The following GABRB2 variants were observed in gnomAD, a reference collection of about 807,000 sequenced individuals.
GABRB2 encodes gamma-aminobutyric acid receptor subunit beta-2.
A neutral mutation model predicts 54.7 loss-of-function variants in GABRB2; 16 were observed. The ratio of observed to expected loss-of-function variants is 0.29; its 90% CI spans 0.20 to 0.44. The LOEUF is 0.44. Ranked by LOEUF, GABRB2 falls within the 20% of genes least tolerant of loss-of-function variation. GABRB2 has a pLI of 1.00. For missense variants in GABRB2, 355 were observed against 644.0 expected, an observed-to-expected ratio of 0.55 and a Z score of 4.86; for synonymous variants, 244 against 233.8, an observed-to-expected ratio of 1.04 and a Z score of -0.40.
chr5:161,374,569 C>T (rs748263356), intron 5 of GABRB2, among the ~76,000 whole-genome samples: 7 of 152,200 alleles, frequency 4.6e-5, no homozygotes, highest in Non-Finnish European at 2.9e-5. Context: ...TAGCAAAAGC[C>T]TTCAAACTGG....
chr5:161,378,418 A>G (rs926329418), intron 5 of GABRB2, among the ~76,000 whole-genome samples: 4 of 152,168 alleles, frequency 2.6e-5, no homozygotes, highest in African/African-American at 7.2e-5. Context: ...AATACCTGTA[A>G]ATAAATGTAT....
rs546296244 is a variant in GABRB2 at position 161,416,732 on chromosome 5, G to A, written c.459-5675C>T. 1.1e-3 allele frequency among the ~76,000 whole-genome samples: 74 copies of A among 69,194 alleles called. 1 individual carries two copies. Among genetic ancestry groups the A allele is most frequent in the Admixed American group, 7.6e-3 (44 of 5,818 alleles). The allele number at this position is 69,194 out of a possible 152,430, so 45.4% of individuals were successfully genotyped here. ...AAAAAAAAAAAAAAAAAAATTAGAT[G>A]CCTTAACCCTAACTATATTCAAAAC... On this transcript the variant is annotated intron_variant, in intron 4 of 9. Coordinates refer to ENST00000393959, the MANE Select transcript of GABRB2 (RefSeq NM_001371727.1).
At chr5:161,370,235 G>C (rs939799711) in intron 5 of GABRB2, among the ~76,000 whole-genome samples, 7 of 152,172 alleles carry the variant, frequency 4.6e-5, no homozygotes, top group East Asian at 1.9e-4. Context: ...AGATAGACTT[G>C]CTAAAAAGGA....
At chr5:161,424,433 C>CA (rs1319645120) in intron 4 of GABRB2, among the ~76,000 whole-genome samples, 1 of 152,076 alleles carries the variant, frequency 6.6e-6, no homozygotes, top group African/African-American at 2.4e-5. Context: ...TTACCATTCC[C>CA]AAAATCATAA....
At position 161,395,257 on chromosome 5, in the gene GABRB2, A is replaced by G. The variant is rs192590914; in HGVS notation, c.541+15718T>C. On this transcript the variant is annotated intron_variant, in intron 5 of 9. Coordinates refer to ENST00000393959, the MANE Select transcript of GABRB2 (RefSeq NM_001371727.1). ...TAGCCTTACAAAACACAATAGTCCC[A>G]TTTTTCCCCTTCTATCTTTCCATAG... Among the ~76,000 whole-genome samples the G allele has an allele frequency of 4.6e-3, 699 of 152,106 alleles. 4 individuals carry two copies. The highest frequency in any genetic ancestry group is 0.016 in the African/African-American group (675 of 41,526).
chr5:161,300,132 A>G (rs1467936909), intron 9 of GABRB2, among the ~76,000 whole-genome samples: 1 of 152,194 alleles, frequency 6.6e-6, no homozygotes. Context: ...GAGCAAAAGT[A>G]TAGGAGATTG....
intron 4 of GABRB2, among the ~76,000 whole-genome samples, chr5:161,426,197 T>C (rs1010850822): frequency 1.3e-5 from 2 of 152,146 alleles, no homozygotes; most frequent in Non-Finnish European, 2.9e-5. Context: ...CCTCTTGCTA[T>C]GTAGAGGAGC....
intron 3 of GABRB2, among the ~76,000 whole-genome samples, chr5:161,496,142 G>C (rs1759235895): frequency 3.3e-5 from 5 of 152,040 alleles, no homozygotes; most frequent in Admixed American, 2.6e-4. Flanking sequence ...GAGAAACCTG[G>C]GAGTGATCCC....
At chr5:161,405,844 C>A (rs1181279173) in intron 5 of GABRB2, among the ~76,000 whole-genome samples, 1 of 151,802 alleles carries the variant, frequency 6.6e-6, no homozygotes, top group Non-Finnish European at 1.5e-5. Flanking sequence ...CTATACTGAC[C>A]CCTTCGACAA....
intron 9 of GABRB2, among the ~76,000 whole-genome samples, chr5:161,298,572 G>T (rs918454152): frequency 6.6e-6 from 1 of 152,144 alleles, no homozygotes; most frequent in African/African-American, 2.4e-5. Flanking sequence ...AATAAGATGG[G>T]TTTAACTTTG....
At chr5:161,364,723 A>G (rs1045174387) in intron 5 of GABRB2, among the ~76,000 whole-genome samples, 2 of 152,138 alleles carry the variant, frequency 1.3e-5, no homozygotes, top group African/African-American at 4.8e-5. Context: ...CTGACTGATA[A>G]TTAGCCACTT....
At chr5:161,480,761 T>C (rs1433640029) in intron 3 of GABRB2, among the ~76,000 whole-genome samples, 1 of 152,066 alleles carries the variant, frequency 6.6e-6, no homozygotes, top group Non-Finnish European at 1.5e-5. Context: ...ATCACTAAAA[T>C]GGTAAACCTG....
intron 5 of GABRB2, among the ~76,000 whole-genome samples, chr5:161,394,114 T>C (rs1755922772): frequency 6.6e-6 from 1 of 151,966 alleles, no homozygotes; most frequent in Non-Finnish European, 1.5e-5. Flanking sequence ...CATTTCCAAA[T>C]AAATTATAAG....
At chr5:161,470,485 C>G (rs1033772901) in intron 3 of GABRB2, among the ~76,000 whole-genome samples, 3 of 151,908 alleles carry the variant, frequency 2.0e-5, no homozygotes, top group African/African-American at 7.2e-5. Flanking sequence ...ATGCCAGAAG[C>G]TTTTCTCTTG....
intron 3 of GABRB2, among the ~76,000 whole-genome samples, chr5:161,538,354 T>C (rs1011087504): frequency 3.9e-5 from 6 of 152,130 alleles, no homozygotes; most frequent in African/African-American, 1.4e-4. Context: ...ACGTAAAATA[T>C]AAACCATTTG....
At chr5:161,485,012 C>T (rs900744402) in intron 3 of GABRB2, among the ~76,000 whole-genome samples, 10 of 151,886 alleles carry the variant, frequency 6.6e-5, no homozygotes, top group African/African-American at 1.9e-4. Context: ...GCTAGGATCC[C>T]GAAGAGCTAG....
chr5:161,325,916 C>G (rs1166348346), intron 9 of GABRB2, among the ~76,000 whole-genome samples: 1 of 152,024 alleles, frequency 6.6e-6, no homozygotes, highest in Non-Finnish European at 1.5e-5. Flanking sequence ...GGACTTGATG[C>G]AAGCATAACA....
chr5:161,477,299 A>G (rs936298640), intron 3 of GABRB2, among the ~76,000 whole-genome samples: 58 of 150,300 alleles, frequency 3.9e-4, no homozygotes, highest in African/African-American at 1.4e-3. Context: ...AAAAAAAAAA[A>G]AAAGAACAGT....
At chr5:161,532,049 G>A (rs989212092) in intron 3 of GABRB2, among the ~76,000 whole-genome samples, 1 of 151,942 alleles carries the variant, frequency 6.6e-6, no homozygotes, top group Non-Finnish European at 1.5e-5. Context: ...ACATCTTCAC[G>A]CAGGGTACTT....
Sources: gnomAD v4.1 joint callset for allele counts (sites outside exome capture counted in the v4.1 genomes callset) on GRCh38, gnomAD v4.1.1 for gene constraint, MANE v1.5 for transcripts, NCBI Gene and HGNC (gene_info 2026-07-23, HGNC 2026-07-21) for gene names.